TNFSF12: variants seen among roughly 807,000 people sequenced by gnomAD.
TNFSF12 encodes tumor necrosis factor ligand superfamily member 12.
In TNFSF12, 16 loss-of-function variants were observed where a neutral mutation model predicts 31.2. That is an observed-to-expected ratio of 0.51 (90% CI 0.35 to 0.78). TNFSF12 has a LOEUF of 0.78. Among genes scored for constraint, TNFSF12 ranks in the 30% least tolerant of loss-of-function variants. TNFSF12 has a pLI of 0.01. For missense variants in TNFSF12, 324 were observed against 338.8 expected (o/e 0.96, Z 0.34); for synonymous variants, 150 against 151.4 (o/e 0.99, Z 0.07).
At chr17:7,554,281 T>C (rs943142582) in intron 5 of TNFSF12, among the ~76,000 whole-genome samples, 60 of 149,252 alleles carry the variant, frequency 4.0e-4, no homozygotes, top group African/African-American at 1.4e-3. Flanking sequence ...CCAGGCTAGG[T>C]GCCCACAGCA....
chr17:7,554,490 A>AT (rs776481970), intron 5 of TNFSF12, among the ~76,000 whole-genome samples: 31 of 137,044 alleles, frequency 2.3e-4, no homozygotes, highest in Non-Finnish European at 3.8e-4. Context: ...ATTTTTTTTT[A>AT]TTTTTTAGTA....
chr17:7,550,515 G>A lies in TNFSF12; in HGVS notation c.284-284G>A, dbSNP rs569641369. On this transcript the variant is annotated intron_variant, in intron 3 of 6. Coordinates refer to ENST00000293825, the MANE Select transcript of TNFSF12 (RefSeq NM_003809.3). This position sits in a 1 kb window ranked among gnomAD's most constrained non-coding sequence, Gnocchi z 4.4. ...TTAGGAATGGGATGATGGGGTGGCC[G>A]GATGACCACGTGTCCAAGTCGGCAT... Among the ~76,000 whole-genome samples, 4 of 152,106 alleles carry A rather than the reference G, an allele frequency of 2.6e-5. No individual in the cohort carries two copies. The highest frequency in any genetic ancestry group is 1.9e-4 in the East Asian group (1 of 5,160).
rs1427325383 is a variant in TNFSF12, at chr17:7,550,273, A to T, written c.283+78A>T. 18 of 1,605,510 alleles carry T rather than the reference A, an allele frequency of 1.1e-5. No homozygotes were observed. In the South Asian group the frequency reaches 1.2e-4, roughly 11 times the overall value. On this transcript the variant is annotated intron_variant, in intron 3 of 6. Coordinates refer to ENST00000293825, the MANE Select transcript of TNFSF12 (RefSeq NM_003809.3). This position sits in a 1 kb window ranked among gnomAD's most constrained non-coding sequence, Gnocchi z 4.4. ...TCCACAGGGAGAAACTGAGGCACGG[A>T]GGGTGAAAGGAGTTCAGAGTCATGC... is the stretch of plus-strand genomic sequence containing the variant.
Position 7,549,903 on chromosome 17 carries a change from G to A in TNFSF12, c.208-217G>A, listed in dbSNP as rs1426162394. ...AGGGTCTGCGTTGGTTGTGTGTGTG[G>A]GTGGGAAAGTGTAGCTGGTCTAGAG... is the stretch of plus-strand genomic sequence containing the variant. On this transcript the variant is annotated intron_variant, in intron 2 of 6. Transcript: ENST00000293825. The surrounding 1 kb of genome is among the most constrained non-coding windows in gnomAD (Gnocchi z 4.1). 1 of 655,204 alleles carries A rather than the reference G, an allele frequency of 1.5e-6. No individual in the cohort carries two copies. Among genetic ancestry groups the A allele is most frequent in the Admixed American group, 2.9e-5 (1 of 34,404 alleles). 40.6% of individuals were successfully genotyped at this position (655,204 alleles called of 1,614,324 possible). A position where few individuals can be genotyped will look rare whatever the true frequency, so the allele number is the denominator to read the frequency against.
chr17:7,557,583 C>T lies in TNFSF12; in HGVS notation c.*233C>T. On this transcript the variant is annotated 3_prime_UTR_variant, in exon 7 of 7. Coordinates refer to ENST00000293825, the MANE Select transcript of TNFSF12 (RefSeq NM_003809.3). The surrounding 1 kb of genome is among the most constrained non-coding windows in gnomAD (Gnocchi z 5.2). Reference sequence around the variant, plus strand: ...TCTCCACCTCACTAGCTCCCCAATCCCTGACCCTTTGAGGCCCCCAGTGAT... The same window carrying T: ...TCTCCACCTCACTAGCTCCCCAATCTCTGACCCTTTGAGGCCCCCAGTGAT... The T allele has an allele frequency of 1.7e-6, 1 of 593,640 alleles. No homozygotes were observed. Among genetic ancestry groups the T allele is most frequent in the South Asian group, 2.5e-5 (1 of 40,608 alleles). The allele number at this position is 593,640 out of a possible 1,614,324, so 36.8% of individuals were successfully genotyped here.
chr17:7,550,118 A>G lies in TNFSF12; in HGVS notation c.208-2A>G, dbSNP rs2070983830. Reference sequence around the variant, plus strand: ...GGTTGAACCCTGCCCTAATTCCCCTAGGAACTGAATCCCCAGACAGAAGAA... The same window carrying G: ...GGTTGAACCCTGCCCTAATTCCCCTGGGAACTGAATCCCCAGACAGAAGAA... On this transcript the variant is annotated splice_acceptor_variant, in intron 2 of 6. Transcript: ENST00000293825. LOFTEE classifies it high-confidence loss of function. The surrounding 1 kb of genome is among the most constrained non-coding windows in gnomAD (Gnocchi z 4.4). 6.2e-7 allele frequency: 1 copy of G among 1,614,046 alleles called. No individual in the cohort carries two copies. The highest frequency in any genetic ancestry group is 8.5e-7 in the Non-Finnish European group (1 of 1,179,982).
chr17:7,555,961 T>C (rs1163017218), intron 5 of TNFSF12, among the ~76,000 whole-genome samples: 1 of 137,908 alleles, frequency 7.3e-6, no homozygotes, highest in Non-Finnish European at 1.6e-5. Flanking sequence ...GAAATAAAAA[T>C]GCCCAGTGAG....
chr17:7,550,002 C>T lies in TNFSF12; in HGVS notation c.208-118C>T. 1 of 1,531,074 alleles carries T rather than the reference C, an allele frequency of 6.5e-7. No homozygotes were observed. The highest frequency in any genetic ancestry group is 9.0e-7 in the Non-Finnish European group (1 of 1,114,284). 94.8% of individuals were successfully genotyped at this position (1,531,074 alleles called of 1,614,324 possible). A position where few individuals can be genotyped will look rare whatever the true frequency, so the allele number is the denominator to read the frequency against. On this transcript the variant is annotated intron_variant, in intron 2 of 6. Transcript: ENST00000293825. The surrounding 1 kb of genome is among the most constrained non-coding windows in gnomAD (Gnocchi z 4.4). ...GCCCCAGCTGTAGTTGGCTGAGGGGCTTAATCTGTCCCTGACTTCTGTGTC... is the reference window on the plus strand; with the variant it reads ...GCCCCAGCTGTAGTTGGCTGAGGGGTTTAATCTGTCCCTGACTTCTGTGTC...
At position 7,557,120 on chromosome 17, in the gene TNFSF12, G is replaced by C. The variant is rs768153642; in HGVS notation, c.520G>C (p.Ala174Pro). Residue 174 changes from alanine (A) to proline (P), a missense_variant, in exon 7 of 7, where the codon GCT becomes CCT. Ala to Pro is a conservative substitution (Grantham distance 27). Transcript: ENST00000293825. This position sits in a 1 kb window ranked among gnomAD's most constrained non-coding sequence, Gnocchi z 5.2. Reference protein sequence around the residue: ...YCQVHFDEGKAVYLKLDLLVD... With the variant: ...YCQVHFDEGKPVYLKLDLLVD... ...CCAGGTGCACTTTGATGAGGGGAAG[G>C]CTGTCTACCTGAAGCTGGACTTGCT... The C allele has an allele frequency of 6.2e-7, 1 of 1,613,286 alleles. No individual in the cohort carries two copies.
chr17:7,552,565 G>A (rs2071012338), intron 5 of TNFSF12, among the ~76,000 whole-genome samples: 1 of 152,038 alleles, frequency 6.6e-6, no homozygotes, highest in African/African-American at 2.4e-5. Flanking sequence ...CTGATCTCAG[G>A]TGATCCGCCA....
In TNFSF12 at chr17:7,550,775, C is replaced by T; in HGVS notation, c.284-24C>T. On this transcript the variant is annotated intron_variant, in intron 3 of 6. Coordinates refer to ENST00000293825, the MANE Select transcript of TNFSF12 (RefSeq NM_003809.3). The surrounding 1 kb of genome is among the most constrained non-coding windows in gnomAD (Gnocchi z 4.4). The stretch of plus-strand genomic sequence containing the variant: ...GACCCCCACTAGGGCCCGCTTTGCT[C>T]ATCTGTCTTTCCTTGATCCTCAGCA... The T allele has an allele frequency of 6.2e-7, 1 of 1,601,964 alleles. No homozygotes were observed. Among genetic ancestry groups the T allele is most frequent in the Non-Finnish European group, 8.5e-7 (1 of 1,170,006 alleles).
chr17:7,553,905 T>TG, intron 5 of TNFSF12: 5 of 1,026,134 alleles, frequency 4.9e-6, no homozygotes, highest in Non-Finnish European at 5.9e-6. Context: ...ACTAGGGAGA[T>TG]GGAGACAGGA....
chr17:7,556,747 C>T (rs760698461), intron 5 of TNFSF12, 31 bp from the exon 6 acceptor site: 43 of 1,482,334 alleles, frequency 2.9e-5, no homozygotes, highest in Non-Finnish European at 3.5e-5. Context: ...TGTAGAGAGA[C>T]GTTTCCTTAT....
In TNFSF12 at chr17:7,557,287, C is replaced by T; in HGVS notation, c.687C>T (p.Leu229=). Residue 229 remains leucine (L), a synonymous_variant, in exon 7 of 7, where the codon CTC becomes CTT. Coordinates refer to ENST00000293825, the MANE Select transcript of TNFSF12 (RefSeq NM_003809.3). The surrounding 1 kb of genome is among the most constrained non-coding windows in gnomAD (Gnocchi z 5.2). ...RPGSSLRIRT[L]PWAHLKAAPF... ...GGTCCTCCCTGCGGATCCGCACCCT[C>T]CCCTGGGCCCATCTCAAGGCTGCCC... 2.5e-6 allele frequency: 4 copies of T among 1,613,570 alleles called. No homozygotes were observed. Among genetic ancestry groups the T allele is most frequent in the South Asian group, 2.2e-5 (2 of 91,054 alleles).
At chr17:7,551,119 C>T in intron 5 of TNFSF12, 141 bp downstream of exon 5, 1 of 1,430,248 alleles carries the variant, frequency 7.0e-7, no homozygotes, top group Non-Finnish European at 9.4e-7. Context: ...CTCTGTGACC[C>T]AGGCGTGGGA....
In TNFSF12 at chr17:7,557,498, T is replaced by C; in HGVS notation, c.*148T>C. 1.8e-6 allele frequency: 2 copies of C among 1,105,804 alleles called. No homozygotes were observed. Among genetic ancestry groups the C allele is most frequent in the Non-Finnish European group, 2.5e-6 (2 of 801,316 alleles). 68.5% of individuals were successfully genotyped at this position (1,105,804 alleles called of 1,614,324 possible). On this transcript the variant is annotated 3_prime_UTR_variant, in exon 7 of 7. Transcript: ENST00000293825. The surrounding 1 kb of genome is among the most constrained non-coding windows in gnomAD (Gnocchi z 5.2). ...AGGCTGCCTGGGCCTGTTCACGTGT[T>C]TTCCATCCCACATAAATACAGTATT...
intron 5 of TNFSF12, among the ~76,000 whole-genome samples, chr17:7,554,967 A>C (rs547490801): frequency 5.9e-5 from 9 of 152,092 alleles, no homozygotes; most frequent in Admixed American, 3.3e-4. Flanking sequence ...CAAGCATATA[A>C]ATTTGTAATT....
At chr17:7,551,077 C>G in intron 5 of TNFSF12, 99 bp downstream of exon 5, 15 of 1,583,218 alleles carry the variant, frequency 9.5e-6, no homozygotes, top group Non-Finnish European at 1.3e-5. Flanking sequence ...GTCTCAGAAC[C>G]ACAGAAGCCA....
At position 7,556,918 on chromosome 17, in the gene TNFSF12, C is replaced by G. The variant is rs1224170169; in HGVS notation, c.498+16C>G. On this transcript the variant is annotated intron_variant, in intron 6 of 6. Transcript: ENST00000293825. ...GTACTGTCAGGTAAGCCCCATCTGG[C>G]TGCATGGGTAACGCAGTAAGAGAGT... is the stretch of plus-strand genomic sequence containing the variant. 2 of 1,521,562 alleles carry G rather than the reference C, an allele frequency of 1.3e-6. No homozygotes were observed. Among genetic ancestry groups the G allele is most frequent in the South Asian group, 2.6e-5 (2 of 77,112 alleles). The allele number at this position is 1,521,562 out of a possible 1,614,324, so 94.3% of individuals were successfully genotyped here.
Sources: gnomAD v4.1 joint callset for allele counts (sites outside exome capture counted in the v4.1 genomes callset) on GRCh38, gnomAD v4.1.1 for gene constraint, Gnocchi (gnomAD v3.1) non-coding constraint, MANE v1.5 for transcripts, NCBI Gene and HGNC (gene_info 2026-07-23, HGNC 2026-07-21) for gene names.